PPP1R17: variants seen among roughly 807,000 people sequenced by gnomAD.
PPP1R17 encodes the protein protein phosphatase 1 regulatory subunit 17, also known as G-substrate.
In PPP1R17, 12 loss-of-function variants were observed where a neutral mutation model predicts 15.9. The observed-to-expected ratio is 0.75, with a 90% CI of 0.48 to 1.22. PPP1R17 has a LOEUF of 1.22. Ranked by LOEUF, PPP1R17 falls within the 50% of genes most tolerant of loss-of-function variation. PPP1R17 has a pLI of 0.00. For synonymous variants in PPP1R17, 63 were observed against 64.5 expected, an observed-to-expected ratio of 0.98 and a Z score of 0.11; for missense variants, 211 against 187.3, an observed-to-expected ratio of 1.13 and a Z score of -0.74.
At chr7:31,702,535 C>T (rs1053051125) in intron 4 of PPP1R17, among the ~76,000 whole-genome samples, 13 of 152,318 alleles carry the variant, frequency 8.5e-5, no homozygotes, top group Admixed American at 8.5e-4. Context: ...TATCAGACCC[C>T]TTCAGGTCCA....
Position 31,696,852 on chromosome 7 carries a change from T to G in PPP1R17, c.236-113T>G, listed in dbSNP as rs1792605251. On this transcript the variant is annotated intron_variant, in intron 3 of 4. Transcript: ENST00000342032. ...AAAGTCTTGCTTTATTAAAGTAAGT[T>G]TGGAAAGCTATATTGACTGTCTTCA... is the stretch of plus-strand genomic sequence containing the variant. 3.3e-6 allele frequency: 4 copies of G among 1,221,606 alleles called. No homozygotes were observed. The Admixed American group carries it at 7.6e-5, about 23-fold the overall frequency. 75.7% of individuals were successfully genotyped at this position (1,221,606 alleles called of 1,614,324 possible). A position where few individuals can be genotyped will look rare whatever the true frequency, so the allele number is the denominator to read the frequency against.
At chr7:31,707,086 C>G (rs1246141562) in intron 4 of PPP1R17, 118 bp from the exon 5 acceptor site, 1 of 865,708 alleles carries the variant, frequency 1.2e-6, no homozygotes, top group Non-Finnish European at 1.8e-6. Flanking sequence ...AGCAGGTAAC[C>G]TTGTAGACAC....
intron 4 of PPP1R17, among the ~76,000 whole-genome samples, chr7:31,697,709 G>A (rs1030993184): frequency 6.6e-6 from 1 of 152,154 alleles, no homozygotes; most frequent in Admixed American, 6.5e-5. Flanking sequence ...GTGTATGTGT[G>A]TATTTTATAC....
intron 4 of PPP1R17, among the ~76,000 whole-genome samples, chr7:31,702,256 G>C (rs1792883957): frequency 1.3e-5 from 2 of 151,188 alleles, no homozygotes; most frequent in African/African-American, 4.9e-5. Context: ...AATAAGACAA[G>C]AAGAAAATAG....
At chr7:31,694,129 G>T (rs553673317) in intron 2 of PPP1R17, among the ~76,000 whole-genome samples, 2 of 152,282 alleles carry the variant, frequency 1.3e-5, no homozygotes, top group Admixed American at 6.5e-5. Context: ...GAAGACATAT[G>T]CAGAAATAAT....
At chr7:31,699,172 G>A (rs950279176) in intron 4 of PPP1R17, among the ~76,000 whole-genome samples, 2 of 134,030 alleles carry the variant, frequency 1.5e-5, no homozygotes, top group East Asian at 6.3e-4. Flanking sequence ...TCAGAAAGAG[G>A]AAAGGTTCTG....
chr7:31,696,855 G>C lies in PPP1R17; in HGVS notation c.236-110G>C, dbSNP rs980214826. On this transcript the variant is annotated intron_variant, in intron 3 of 4. Transcript: ENST00000342032. ...GTCTTGCTTTATTAAAGTAAGTTTG[G>C]AAAGCTATATTGACTGTCTTCACCA... The C allele has an allele frequency of 7.2e-6, 9 of 1,241,648 alleles. No individual in the cohort carries two copies. In the Admixed American group the frequency reaches 2.3e-4, roughly 31 times the overall value. The allele number at this position is 1,241,648 out of a possible 1,614,324, so 76.9% of individuals were successfully genotyped here.
intron 3 of PPP1R17, 53 bp from the exon 4 acceptor site, chr7:31,696,912 T>G: frequency 6.3e-7 from 1 of 1,579,280 alleles, no homozygotes; most frequent in Non-Finnish European, 8.6e-7. Flanking sequence ...TCCTCATATA[T>G]TAGGATATAT....
At chr7:31,687,772 A>C (rs1792165789) in intron 1 of PPP1R17, among the ~76,000 whole-genome samples, 1 of 152,208 alleles carries the variant, frequency 6.6e-6, no homozygotes, top group African/African-American at 2.4e-5. Flanking sequence ...AAGAGGTTTG[A>C]CAATGAATAT....
intron 4 of PPP1R17, among the ~76,000 whole-genome samples, chr7:31,699,069 G>A (rs1234544382): frequency 6.6e-6 from 1 of 152,210 alleles, no homozygotes; most frequent in African/African-American, 2.4e-5. Flanking sequence ...TTCTAGGTGG[G>A]AGAGATAATT....
At chr7:31,704,788 T>C (rs148520738) in intron 4 of PPP1R17, among the ~76,000 whole-genome samples, 1 of 152,280 alleles carries the variant, frequency 6.6e-6, no homozygotes, top group East Asian at 1.9e-4. Context: ...ATGATCACCA[T>C]AGGCAAAGCT....
At chr7:31,702,622 T>A (rs1476905708) in intron 4 of PPP1R17, among the ~76,000 whole-genome samples, 1 of 152,234 alleles carries the variant, frequency 6.6e-6, no homozygotes, top group Non-Finnish European at 1.5e-5. Flanking sequence ...TCATCTCTTT[T>A]AGTATTGTCT....
intron 1 of PPP1R17, among the ~76,000 whole-genome samples, chr7:31,688,786 T>C (rs953048904): frequency 1.3e-5 from 2 of 152,204 alleles, no homozygotes; most frequent in African/African-American, 4.8e-5. Flanking sequence ...AACCCTGAAA[T>C]CATATCTCTT....
chr7:31,687,838 A>G (rs767342930), intron 1 of PPP1R17, among the ~76,000 whole-genome samples: 1 of 152,226 alleles, frequency 6.6e-6, no homozygotes, highest in East Asian at 1.9e-4. Flanking sequence ...CTGTGGATAC[A>G]ACCTTCTACC....
intron 4 of PPP1R17, among the ~76,000 whole-genome samples, chr7:31,706,888 T>A (rs1172935925): frequency 2.0e-5 from 3 of 152,152 alleles, no homozygotes; most frequent in Non-Finnish European, 4.4e-5. Context: ...GAACTGTGAG[T>A]GCAAAGCAAT....
intron 4 of PPP1R17, 93 bp from the exon 5 acceptor site, chr7:31,707,111 G>A (rs1363579869): frequency 3.5e-6 from 4 of 1,137,342 alleles, no homozygotes; most frequent in African/African-American, 1.6e-5. Flanking sequence ...AGGTTTCTGG[G>A]TTGCCATGCT....
chr7:31,696,843 A>C (rs1429196823), intron 3 of PPP1R17, 122 bp from the exon 4 acceptor site: 84 of 1,124,834 alleles, frequency 7.5e-5, no homozygotes, highest in Non-Finnish European at 1.0e-4. Flanking sequence ...TTGCTTTATT[A>C]AAGTAAGTTT....
intron 4 of PPP1R17, among the ~76,000 whole-genome samples, chr7:31,704,580 A>T (rs1297920975): frequency 6.6e-6 from 1 of 152,242 alleles, no homozygotes; most frequent in Admixed American, 6.5e-5. Context: ...ATAGCGGAGA[A>T]GGATGTATTG....
intron 4 of PPP1R17, among the ~76,000 whole-genome samples, chr7:31,706,737 C>A (rs371048270): frequency 6.6e-6 from 1 of 152,194 alleles, no homozygotes; most frequent in African/African-American, 2.4e-5. Context: ...CATTTACTTG[C>A]TCTGGGTTAA....
Sources: allele counts gnomAD v4.1 joint callset (sites outside exome capture counted in the v4.1 genomes callset), GRCh38; gene constraint gnomAD v4.1.1; transcripts MANE v1.5; gene names NCBI Gene and HGNC (gene_info 2026-07-23, HGNC 2026-07-21).